The following PCCA variants were observed in gnomAD, a reference collection of about 807,000 sequenced individuals.
PCCA encodes the protein propionyl-CoA carboxylase alpha chain, mitochondrial.
In PCCA, 74 loss-of-function variants were observed where a neutral mutation model predicts 101.3. The ratio of observed to expected loss-of-function variants is 0.73; its 90% CI spans 0.61 to 0.89. The LOEUF is 0.89. PCCA is among the 40% of genes least tolerant of loss of function. The pLI is 0.00. For missense variants in PCCA, 891 were observed against 907.0 expected, an observed-to-expected ratio of 0.98 and a Z score of 0.23; for synonymous variants, 294 against 313.6, an observed-to-expected ratio of 0.94 and a Z score of 0.66.
intron 18 of PCCA, among the ~76,000 whole-genome samples, chr13:100,341,973 A>ATGTATATATATATATATATATATG (rs1555426206): frequency 8.2e-6 from 1 of 121,870 alleles, no homozygotes; most frequent in African/African-American, 3.2e-5. Context: ...ATATATATAT[A>ATGTATATATATATATATATATATG]TATATATATG....
chr13:100,463,546 ACT>A (rs1486324320), intron 21 of PCCA, among the ~76,000 whole-genome samples: 1 of 151,956 alleles, frequency 6.6e-6, no homozygotes, highest in Non-Finnish European at 1.5e-5. Context: ...GAAAAGGTGG[ACT>A]CTATTAAAAA....
intron 8 of PCCA, chr13:100,237,367 T>C (rs1273830357): frequency 6.6e-6 from 1 of 152,250 alleles, no homozygotes; most frequent in African/African-American, 2.4e-5. Flanking sequence ...GACCAGACCA[T>C]AGAAAATCTT....
intron 16 of PCCA, among the ~76,000 whole-genome samples, chr13:100,321,671 T>C (rs2068061335): frequency 6.6e-6 from 1 of 150,526 alleles, no homozygotes; most frequent in African/African-American, 2.4e-5. Flanking sequence ...TATATGTATA[T>C]AGTGAAGAAT....
intron 22 of PCCA, among the ~76,000 whole-genome samples, chr13:100,526,803 T>C (rs1267859160): frequency 6.6e-6 from 1 of 152,268 alleles, no homozygotes; most frequent in Non-Finnish European, 1.5e-5. Context: ...CAGGGAAGCC[T>C]CACGCTTAAC....
intron 19 of PCCA, among the ~76,000 whole-genome samples, chr13:100,423,008 T>C (rs896567326): frequency 2.7e-5 from 4 of 150,322 alleles, no homozygotes; most frequent in South Asian, 2.1e-4. Flanking sequence ...TTCTCTGAGT[T>C]TTTTTTTTTT....
intron 21 of PCCA, among the ~76,000 whole-genome samples, chr13:100,499,013 G>A (rs923393648): frequency 7.2e-5 from 11 of 152,126 alleles, no homozygotes; most frequent in South Asian, 2.1e-4. Flanking sequence ...ACTTCCACCC[G>A]CATTGCAAGC....
chr13:100,361,270 T>C (rs901337757), intron 18 of PCCA, among the ~76,000 whole-genome samples: 1 of 147,566 alleles, frequency 6.8e-6, no homozygotes, highest in African/African-American at 2.5e-5. Context: ...ACAGTGAACC[T>C]TAATGTATGG....
At chr13:100,204,259 A>G (rs954301736) in intron 6 of PCCA, among the ~76,000 whole-genome samples, 2 of 151,978 alleles carry the variant, frequency 1.3e-5, no homozygotes, top group Non-Finnish European at 2.9e-5. Flanking sequence ...CTTCCTGAGT[A>G]GCTGGGACCA....
chr13:100,143,203 G>T (rs1030528803), intron 4 of PCCA, among the ~76,000 whole-genome samples: 16 of 152,098 alleles, frequency 1.1e-4, no homozygotes, highest in African/African-American at 3.9e-4. Flanking sequence ...TTCAGTGAAT[G>T]GCATAGTCAC....
chr13:100,323,162 A>T (rs1211115134), intron 16 of PCCA, among the ~76,000 whole-genome samples: 1 of 152,270 alleles, frequency 6.6e-6, no homozygotes, highest in East Asian at 1.9e-4. Context: ...ATGTAAGCAA[A>T]CCAGGCTGGC....
At chr13:100,350,877 C>T (rs958463178) in intron 18 of PCCA, among the ~76,000 whole-genome samples, 1 of 152,226 alleles carries the variant, frequency 6.6e-6, no homozygotes, top group African/African-American at 2.4e-5. Context: ...TCTCTCTCCT[C>T]TACTCTAACC....
chr13:100,149,464 T>G (rs1303967605), intron 4 of PCCA: 6 of 152,298 alleles, frequency 3.9e-5, no homozygotes, highest in South Asian at 2.1e-4. Context: ...AACTCCCCAT[T>G]CCAGGCTCGC....
At chr13:100,172,005 T>G (rs1214034524) in intron 6 of PCCA, among the ~76,000 whole-genome samples, 1 of 150,008 alleles carries the variant, frequency 6.7e-6, no homozygotes, top group Non-Finnish European at 1.5e-5. Context: ...GCATTCCAGC[T>G]TGGGTGACAG....
intron 4 of PCCA, among the ~76,000 whole-genome samples, chr13:100,122,636 G>A (rs1044218242): frequency 3.3e-5 from 5 of 151,908 alleles, no homozygotes; most frequent in African/African-American, 1.2e-4. Context: ...TATTTTATAA[G>A]GTCAGTAGTA....
chr13:100,114,325 C>T (rs2048595203), intron 4 of PCCA, among the ~76,000 whole-genome samples: 1 of 152,080 alleles, frequency 6.6e-6, no homozygotes, highest in African/African-American at 2.4e-5. Context: ...CACCTGTAAT[C>T]CCAGCACTTT....
Position 100,451,512 on chromosome 13 carries a change from G to A in PCCA, c.1899+2207G>A, listed in dbSNP as rs1020806703. Among the ~76,000 whole-genome samples, 5 of 152,090 alleles carry A rather than the reference G, an allele frequency of 3.3e-5. No individual in the cohort carries two copies. In the South Asian group the frequency reaches 8.3e-4, roughly 25 times the overall value. ...GGACTGCTTTCACTCCTCAGTGTTC[G>A]TGCTGGGAAGTCCACTCATGCTGTC... On this transcript the variant is annotated intron_variant, in intron 21 of 23. Transcript: ENST00000376285.
chr13:100,218,603 T>C (rs1453701054), intron 7 of PCCA, among the ~76,000 whole-genome samples: 1 of 152,220 alleles, frequency 6.6e-6, no homozygotes, highest in Non-Finnish European at 1.5e-5. Flanking sequence ...ATGTACTCCC[T>C]TCCTCTTGTA....
rs187967253 is a variant in PCCA, at chr13:100,522,392, T to C, written c.2041-5283T>C. On this transcript the variant is annotated intron_variant, in intron 22 of 23. Transcript: ENST00000376285. Reference sequence around the variant, plus strand: ...TACCATCCATCAGGAGCTAATTTTTTATCCAGATACTCCAATGACTGATGA... The same window carrying C: ...TACCATCCATCAGGAGCTAATTTTTCATCCAGATACTCCAATGACTGATGA... 8.5e-5 allele frequency among the ~76,000 whole-genome samples: 13 copies of C among 152,374 alleles called. No homozygotes were observed. The East Asian group carries it at 2.5e-3, about 29-fold the overall frequency.
At chr13:100,224,193 C>T (rs1057042584) in intron 7 of PCCA, among the ~76,000 whole-genome samples, 6 of 152,212 alleles carry the variant, frequency 3.9e-5, no homozygotes, top group South Asian at 2.1e-4. Context: ...GAGCCCTGCC[C>T]GGCGGGAAGG....
Sources: allele counts gnomAD v4.1 joint callset (sites outside exome capture counted in the v4.1 genomes callset), GRCh38; gene constraint gnomAD v4.1.1; transcripts MANE v1.5; gene names NCBI Gene and HGNC (gene_info 2026-07-23, HGNC 2026-07-21).